PRKCH: variants seen among roughly 807,000 people sequenced by gnomAD.
PRKCH encodes the protein protein kinase C eta, also known as protein kinase C eta type.
Under a neutral mutation model 82.5 loss-of-function variants are expected in PRKCH, and 28 were observed. The observed-to-expected ratio is 0.34, with a 90% CI of 0.25 to 0.47. PRKCH has a LOEUF of 0.47. Among genes scored for constraint, PRKCH ranks in the 20% least tolerant of loss-of-function variants. PRKCH has a pLI of 1.00. For synonymous variants in PRKCH, 322 were observed against 327.4 expected, an observed-to-expected ratio of 0.98 and a Z score of 0.18; for missense variants, 705 against 881.8, an observed-to-expected ratio of 0.80 and a Z score of 2.54.
intron 1 of PRKCH, among the ~76,000 whole-genome samples, chr14:61,297,105 G>C (rs1385763861): frequency 1.3e-5 from 2 of 152,100 alleles, no homozygotes; most frequent in Non-Finnish European, 2.9e-5. Context: ...CTTATGGTTT[G>C]TGACCATTAG....
intron 1 of PRKCH, chr14:61,307,323 T>A (rs1414220320): frequency 1.3e-5 from 2 of 152,224 alleles, no homozygotes; most frequent in African/African-American, 4.8e-5. Context: ...AGAAACAAAC[T>A]TGTCACAGAC....
chr14:61,227,347 C>G (rs1436924178), intron 1 of PRKCH, among the ~76,000 whole-genome samples: 3 of 152,226 alleles, frequency 2.0e-5, no homozygotes, highest in African/African-American at 7.2e-5. Context: ...GTAATCCCAG[C>G]CCTTTGGGAG....
chr14:61,222,906 G>A (rs2044666272), intron 1 of PRKCH, among the ~76,000 whole-genome samples: 1 of 152,114 alleles, frequency 6.6e-6, no homozygotes, highest in East Asian at 1.9e-4. Context: ...CCAGTGGCCA[G>A]TTTCACACCT....
At chr14:61,366,248 A>G (rs2046295570) in intron 1 of PRKCH, among the ~76,000 whole-genome samples, 2 of 152,148 alleles carry the variant, frequency 1.3e-5, no homozygotes, top group South Asian at 4.1e-4. Context: ...TTTGCCAAGT[A>G]GGATTTTTTA....
At chr14:61,486,905 T>C (rs917931756) in intron 10 of PRKCH, among the ~76,000 whole-genome samples, 3 of 152,234 alleles carry the variant, frequency 2.0e-5, no homozygotes, top group Non-Finnish European at 4.4e-5. Flanking sequence ...AAGTAAAGGA[T>C]TTCCTGATTG....
chr14:61,255,172 T>C (rs2044986949), intron 1 of PRKCH, among the ~76,000 whole-genome samples: 1 of 152,218 alleles, frequency 6.6e-6, no homozygotes, highest in African/African-American at 2.4e-5. Context: ...CTCTAACCTC[T>C]TAGCAGGATT....
chr14:61,426,752 C>G (rs1021033869), intron 2 of PRKCH, among the ~76,000 whole-genome samples: 3 of 152,158 alleles, frequency 2.0e-5, no homozygotes, highest in Admixed American at 6.5e-5. Context: ...GTATAAAGTG[C>G]CTTGTCCTTG....
chr14:61,485,424 C>T (rs1566908087), intron 9 of PRKCH, 78 bp from the exon 10 acceptor site: 26 of 1,526,624 alleles, frequency 1.7e-5, no homozygotes, highest in Non-Finnish European at 2.3e-5. Context: ...TATGCCACAG[C>T]CTTAGGCAAT....
chr14:61,461,653 T>C (rs1023476345), intron 9 of PRKCH, among the ~76,000 whole-genome samples: 2 of 152,228 alleles, frequency 1.3e-5, no homozygotes, highest in African/African-American at 4.8e-5. Flanking sequence ...AAGTATCTCA[T>C]ACCTAACAGG....
chr14:61,215,808 G>A (rs578070590), intron 1 of PRKCH, among the ~76,000 whole-genome samples: 2 of 152,138 alleles, frequency 1.3e-5, no homozygotes, highest in Non-Finnish European at 2.9e-5. Context: ...ATATTTAGAA[G>A]TATGTGCCAA....
At chr14:61,301,310 A>C (rs1474903341) in intron 1 of PRKCH, among the ~76,000 whole-genome samples, 1 of 152,230 alleles carries the variant, frequency 6.6e-6, no homozygotes, top group Non-Finnish European at 1.5e-5. Flanking sequence ...CACTGAAATA[A>C]ATATGATTGG....
intron 9 of PRKCH, among the ~76,000 whole-genome samples, chr14:61,475,831 T>C (rs1885706081): frequency 1.3e-5 from 2 of 152,224 alleles, no homozygotes; most frequent in African/African-American, 4.8e-5. Flanking sequence ...AACATTACCT[T>C]GAAAACTTCT....
At chr14:61,404,778 G>A (rs538033493) in intron 2 of PRKCH, among the ~76,000 whole-genome samples, 3 of 152,334 alleles carry the variant, frequency 2.0e-5, no homozygotes, top group East Asian at 1.9e-4. Context: ...CCAGAGGTCT[G>A]AAGAAAGGGA....
chr14:61,474,457 A>C (rs1451908820), intron 9 of PRKCH, among the ~76,000 whole-genome samples: 1 of 152,058 alleles, frequency 6.6e-6, no homozygotes, highest in African/African-American at 2.4e-5. Flanking sequence ...TGTAACCCAG[A>C]TTGCAAAAAT....
At chr14:61,530,376 A>G (rs918241879) in intron 11 of PRKCH, 31 bp from the exon 12 acceptor site, 9 of 1,477,614 alleles carry the variant, frequency 6.1e-6, no homozygotes, top group Non-Finnish European at 7.2e-6. Context: ...TGATGTATGA[A>G]CCACCTTCTC....
intron 9 of PRKCH, among the ~76,000 whole-genome samples, chr14:61,460,817 T>G (rs151231257): frequency 1.2e-3 from 180 of 152,304 alleles, no homozygotes; most frequent in African/African-American, 4.3e-3. Flanking sequence ...AGAAAAATGG[T>G]ATATTTGAAG....
chr14:61,321,497 TCCACCCA>T (rs1304669252), upstream of PRKCH, among the ~76,000 whole-genome samples: 1 of 152,042 alleles, frequency 6.6e-6, no homozygotes, highest in Non-Finnish European at 1.5e-5. The surrounding 1 kb of genome is among the most constrained non-coding windows in gnomAD (Gnocchi z 4.1). Context: ...TGCGCGGGGA[TCCACCCA>T]CCGCAGGGCC....
intron 1 of PRKCH, among the ~76,000 whole-genome samples, chr14:61,363,168 C>CCTTGATTGG (rs2046252330): frequency 6.6e-6 from 1 of 152,136 alleles, no homozygotes; most frequent in South Asian, 2.1e-4. Flanking sequence ...GAATCAAGGA[C>CCTTGATTGG]TATAAAGGGG....
chr14:61,193,392 A>G (rs1178725276), intron 1 of PRKCH, among the ~76,000 whole-genome samples: 1 of 152,164 alleles, frequency 6.6e-6, no homozygotes, highest in Non-Finnish European at 1.5e-5. Flanking sequence ...AAATCAACCA[A>G]GAGGCCTTTG....
Sources: gnomAD v4.1 joint callset for allele counts (sites outside exome capture counted in the v4.1 genomes callset) on GRCh38, gnomAD v4.1.1 for gene constraint, Gnocchi (gnomAD v3.1) non-coding constraint, MANE v1.5 for transcripts, NCBI Gene and HGNC (gene_info 2026-07-23, HGNC 2026-07-21) for gene names.